Variants in HACE1 observed in about 807,000 individuals in gnomAD.
HACE1 encodes the protein HECT domain and ankyrin repeat containing E3 ubiquitin protein ligase 1, also known as E3 ubiquitin-protein ligase HACE1.
A neutral mutation model predicts 118.4 loss-of-function variants in HACE1; 73 were observed. The observed-to-expected ratio is 0.62, with a 90% CI of 0.51 to 0.75. HACE1 has a LOEUF of 0.75. HACE1 is among the 30% of genes least tolerant of loss of function. The pLI is 0.00. For synonymous variants in HACE1, 368 were observed against 374.8 expected (o/e 0.98, Z 0.21); for missense variants, 749 against 1,102.2 (o/e 0.68, Z 4.54).
intron 6 of HACE1, among the ~76,000 whole-genome samples, chr6:104,822,874 T>C (rs997152877): frequency 6.6e-6 from 1 of 152,122 alleles, no homozygotes; most frequent in Non-Finnish European, 1.5e-5. Flanking sequence ...TTTTAAACCA[T>C]GTATTTTTTA....
chr6:104,856,256 GTAAT>G (rs952044287), intron 1 of HACE1, among the ~76,000 whole-genome samples: 2 of 152,092 alleles, frequency 1.3e-5, no homozygotes, highest in African/African-American at 4.8e-5. Flanking sequence ...GGTGCTCAGA[GTAAT>G]TAATTATATA....
At chr6:104,794,624 C>T (rs1783411661) in intron 10 of HACE1, among the ~76,000 whole-genome samples, 1 of 152,226 alleles carries the variant, frequency 6.6e-6, no homozygotes, top group South Asian at 2.1e-4. Context: ...ATGTATTTGG[C>T]CAGGCGCATT....
At chr6:104,784,042 T>C in intron 14 of HACE1, 44 bp downstream of exon 14, 1 of 955,376 alleles carries the variant, frequency 1.0e-6, no homozygotes, top group South Asian at 1.3e-5. Context: ...ATTTTAGAAA[T>C]TAATTTCATT....
chr6:104,838,450 A>G (rs1177435362), intron 5 of HACE1, among the ~76,000 whole-genome samples: 3 of 152,174 alleles, frequency 2.0e-5, no homozygotes, highest in African/African-American at 4.8e-5. Context: ...AAGAACACAC[A>G]TTGGAGGTAG....
intron 7 of HACE1, among the ~76,000 whole-genome samples, chr6:104,804,290 C>G (rs7749815): frequency 0.99 from 148,043 of 149,164 alleles, 73,464 homozygotes; most frequent in East Asian, 1. Context: ...CCATACTGCC[C>G]AAGGTAATTT....
rs775162649 is a variant in HACE1, at chr6:104,852,389, A to G, written c.77-18T>C. On this transcript the variant is annotated intron_variant, in intron 1 of 23. Coordinates refer to ENST00000262903, the MANE Select transcript of HACE1 (RefSeq NM_020771.4). ...TTCATTATCTGAGTAAAAAAAAACA[A>G]AGAGTTCATTTATCCCCTACTTTGT... The G allele has an allele frequency of 3.2e-5, 31 of 976,106 alleles. No individual in the cohort carries two copies. The highest frequency in any genetic ancestry group is 4.6e-5 in the Non-Finnish European group (29 of 634,854). 60.5% of individuals were successfully genotyped at this position (976,106 alleles called of 1,614,324 possible).
At chr6:104,787,832 A>C (rs1364879869) in intron 11 of HACE1, among the ~76,000 whole-genome samples, 7 of 152,208 alleles carry the variant, frequency 4.6e-5, no homozygotes, top group Non-Finnish European at 1.0e-4. Context: ...AAGATGTCGA[A>C]AAGCCAGAGT....
At chr6:104,773,187 T>C (rs1780828384) in intron 17 of HACE1, among the ~76,000 whole-genome samples, 1 of 152,162 alleles carries the variant, frequency 6.6e-6, no homozygotes, top group African/African-American at 2.4e-5. Flanking sequence ...AACAAACACA[T>C]AATGAGCTCA....
intron 2 of HACE1, 141 bp from the exon 3 acceptor site, chr6:104,851,137 A>T (rs951871245): frequency 2.0e-5 from 13 of 641,692 alleles, no homozygotes; most frequent in Middle Eastern, 8.6e-4. Flanking sequence ...AGGCTGGAGT[A>T]CAGTGGCGAG....
chr6:104,848,405 G>A (rs1288165505), intron 4 of HACE1, among the ~76,000 whole-genome samples: 3 of 149,818 alleles, frequency 2.0e-5, no homozygotes, highest in Non-Finnish European at 3.0e-5. Flanking sequence ...GCAGCGAGCC[G>A]AGACTGTGCC....
At position 104,843,226 on chromosome 6, in the gene HACE1, T is replaced by G; in HGVS notation, c.399A>C (p.Thr133=). ...DVNICNNEGL[T]AIHWLAVNGR... is the part of the protein sequence containing the mutation. The stretch of plus-strand genomic sequence containing the variant: ...AGATGAAATTGATAGCACTTACTGC[T>G]GTAAGGCCTTCATTATTACAAATGT... Residue 133 remains threonine (T), a synonymous_variant, in exon 5 of 24, where the codon ACA becomes ACC. Transcript: ENST00000262903. The G allele has an allele frequency of 7.1e-7, 1 of 1,408,352 alleles. No individual in the cohort carries two copies. The highest frequency in any genetic ancestry group is 1.1e-5 in the South Asian group (1 of 87,018). The allele number at this position is 1,408,352 out of a possible 1,614,324, so 87.2% of individuals were successfully genotyped here. A position where few individuals can be genotyped will look rare whatever the true frequency, so the allele number is the denominator to read the frequency against.
intron 1 of HACE1, among the ~76,000 whole-genome samples, chr6:104,855,717 T>C (rs1165521751): frequency 6.6e-6 from 1 of 152,162 alleles, no homozygotes; most frequent in Admixed American, 6.5e-5. Flanking sequence ...CATATAATAA[T>C]ACATGTCCCA....
intron 20 of HACE1, among the ~76,000 whole-genome samples, chr6:104,748,267 A>G (rs73768805): frequency 2.2e-3 from 334 of 152,264 alleles, no homozygotes; most frequent in African/African-American, 7.8e-3. Context: ...ACACAATAGA[A>G]AAGTGGGCAA....
At chr6:104,859,405 G>A (rs1448821566) in intron 1 of HACE1, 162 bp downstream of exon 1, 6 of 598,418 alleles carry the variant, frequency 1.0e-5, no homozygotes, top group African/African-American at 4.0e-5. Flanking sequence ...GTCGGGCCAG[G>A]GGAGTTCGGG....
intron 6 of HACE1, among the ~76,000 whole-genome samples, chr6:104,829,644 A>T (rs948938267): frequency 1.3e-5 from 2 of 152,134 alleles, no homozygotes; most frequent in Non-Finnish European, 2.9e-5. Context: ...CCTGTATATG[A>T]TCATTGCAGG....
chr6:104,830,999 G>C (rs1773807908), intron 6 of HACE1: 1 of 151,910 alleles, frequency 6.6e-6, no homozygotes. Context: ...ACCTAATCTT[G>C]ACCTCTCCAC....
intron 19 of HACE1, among the ~76,000 whole-genome samples, chr6:104,763,211 A>T (rs751738323): frequency 3.3e-5 from 5 of 152,098 alleles, no homozygotes; most frequent in Non-Finnish European, 7.4e-5. Context: ...CCCACCTAAT[A>T]ACACACACGT....
intron 19 of HACE1, among the ~76,000 whole-genome samples, chr6:104,763,688 C>A (rs566575120): frequency 6.6e-6 from 1 of 152,098 alleles, no homozygotes; most frequent in Non-Finnish European, 1.5e-5. Flanking sequence ...AATATCTGTG[C>A]CAGCTGTTAA....
At chr6:104,807,389 A>G (rs1291998236) in intron 7 of HACE1, among the ~76,000 whole-genome samples, 4 of 152,154 alleles carry the variant, frequency 2.6e-5, no homozygotes, top group Non-Finnish European at 4.4e-5. Context: ...GTTGCTTCGC[A>G]GTAGCTACAA....
Sources: gnomAD v4.1 joint callset for allele counts (sites outside exome capture counted in the v4.1 genomes callset) on GRCh38, gnomAD v4.1.1 for gene constraint, MANE v1.5 for transcripts, NCBI Gene and HGNC (gene_info 2026-07-23, HGNC 2026-07-21) for gene names.